The following RNGTT variants were observed in gnomAD, a reference collection of about 807,000 sequenced individuals.
RNGTT encodes RNA guanylyltransferase and 5'-phosphatase.
A neutral mutation model predicts 79.3 loss-of-function variants in RNGTT; 33 were observed. The observed-to-expected ratio is 0.42, with a 90% CI of 0.32 to 0.56. The LOEUF is 0.56. Among genes scored for constraint, RNGTT ranks in the 20% least tolerant of loss-of-function variants. RNGTT has a pLI of 0.17. For missense variants in RNGTT, 497 were observed against 739.1 expected (o/e 0.67, Z 3.80); for synonymous variants, 222 against 235.9 (o/e 0.94, Z 0.54).
At chr6:88,638,126 C>T (rs573036756) in intron 14 of RNGTT, among the ~76,000 whole-genome samples, 1 of 152,042 alleles carries the variant, frequency 6.6e-6, no homozygotes, top group Non-Finnish European at 1.5e-5. Flanking sequence ...ACCTCTCTCA[C>T]AATGGAATCT....
At chr6:88,891,206 G>A (rs1369965121) in intron 7 of RNGTT, among the ~76,000 whole-genome samples, 1 of 152,012 alleles carries the variant, frequency 6.6e-6, no homozygotes, top group Non-Finnish European at 1.5e-5. Flanking sequence ...TTATGTAACA[G>A]TAATAAAAGT....
chr6:88,635,760 G>T (rs533819230), intron 14 of RNGTT, among the ~76,000 whole-genome samples: 5 of 152,128 alleles, frequency 3.3e-5, no homozygotes, highest in African/African-American at 1.2e-4. Flanking sequence ...GTCTCCTGTG[G>T]ATTTAACTTG....
At position 88,637,731 on chromosome 6, in the gene RNGTT, A is replaced by G. The variant is rs571484643; in HGVS notation, c.1507-23336T>C. On this transcript the variant is annotated intron_variant, in intron 14 of 15. Coordinates refer to ENST00000369485, the MANE Select transcript of RNGTT (RefSeq NM_003800.5). ...TGAGAATCCTAATGATCTGAATCCCAAGATGATAAAATAAGGCCCCATCTG... is the reference window on the plus strand; with the variant it reads ...TGAGAATCCTAATGATCTGAATCCCGAGATGATAAAATAAGGCCCCATCTG... Among the ~76,000 whole-genome samples the G allele has an allele frequency of 8.4e-4, 128 of 152,258 alleles. 1 individual carries two copies. The highest frequency in any genetic ancestry group is 5.6e-3 in the Admixed American group (85 of 15,278).
At position 88,696,876 on chromosome 6, in the gene RNGTT, C is replaced by A. The variant is rs1038092419; in HGVS notation, c.1440-18457G>T. 6.6e-4 allele frequency among the ~76,000 whole-genome samples: 101 copies of A among 152,174 alleles called. 1 individual carries two copies. The highest frequency in any genetic ancestry group is 2.4e-3 in the African/African-American group (99 of 41,528). On this transcript the variant is annotated intron_variant, in intron 13 of 15. Coordinates refer to ENST00000369485, the MANE Select transcript of RNGTT (RefSeq NM_003800.5). ...AGAAGTACAAAAGATGCTCTGGAGACTAGAAACAGAGAAATTTAAGCTGAG... is the reference window on the plus strand; with the variant it reads ...AGAAGTACAAAAGATGCTCTGGAGAATAGAAACAGAGAAATTTAAGCTGAG...
intron 12 of RNGTT, among the ~76,000 whole-genome samples, chr6:88,776,664 G>GAA (rs34767667): frequency 5.8e-5 from 8 of 138,876 alleles, no homozygotes; most frequent in Non-Finnish European, 1.2e-4. Context: ...GGCTTCTTTG[G>GAA]AAAAAAAAAA....
At chr6:88,864,045 T>C (rs543374803) in intron 8 of RNGTT, among the ~76,000 whole-genome samples, 1 of 152,156 alleles carries the variant, frequency 6.6e-6, no homozygotes, top group African/African-American at 2.4e-5. Context: ...GGAATTTGTA[T>C]ATGTCTGTTT....
At chr6:88,613,297 T>A (rs1479118330) in intron 15 of RNGTT, among the ~76,000 whole-genome samples, 1 of 152,242 alleles carries the variant, frequency 6.6e-6, no homozygotes, top group African/African-American at 2.4e-5. Flanking sequence ...ACATAAAACA[T>A]GGCACCAGCC....
At chr6:88,935,548 T>C (rs1044631081) in intron 2 of RNGTT, among the ~76,000 whole-genome samples, 1 of 152,162 alleles carries the variant, frequency 6.6e-6, no homozygotes, top group Non-Finnish European at 1.5e-5. Context: ...ACCCCATCTT[T>C]AAAAAAAGTT....
At chr6:88,772,589 T>C (rs370418036) in intron 12 of RNGTT, among the ~76,000 whole-genome samples, 2 of 149,012 alleles carry the variant, frequency 1.3e-5, no homozygotes, top group African/African-American at 5.0e-5. Context: ...AAAGGGCTAA[T>C]ATCCAGAATC....
rs1006219121 is a variant in RNGTT, at chr6:88,956,527, C to T, written c.64+6819G>A. Among the ~76,000 whole-genome samples, 6 of 152,084 alleles carry T rather than the reference C, an allele frequency of 3.9e-5. No individual in the cohort carries two copies. The South Asian group carries it at 8.3e-4, about 21-fold the overall frequency. On this transcript the variant is annotated intron_variant, in intron 1 of 15. Coordinates refer to ENST00000369485, the MANE Select transcript of RNGTT (RefSeq NM_003800.5). ...CAAAAGACAGAGAAAGGGAATCCTC[C>T]CTAAATCATTCTATGAAGCCAGTAT...
At chr6:88,868,473 TA>T (rs991666494) in intron 8 of RNGTT, among the ~76,000 whole-genome samples, 5 of 152,206 alleles carry the variant, frequency 3.3e-5, no homozygotes, top group African/African-American at 9.6e-5. Flanking sequence ...TTATATCAAT[TA>T]TTAATCAGGT....
At chr6:88,938,992 C>G (rs1784759060) in intron 2 of RNGTT, among the ~76,000 whole-genome samples, 1 of 152,156 alleles carries the variant, frequency 6.6e-6, no homozygotes, top group African/African-American at 2.4e-5. Flanking sequence ...CACTATTAGT[C>G]TAATGGGAGC....
intron 2 of RNGTT, among the ~76,000 whole-genome samples, chr6:88,935,408 G>C (rs190393586): frequency 1.6e-4 from 25 of 152,140 alleles, no homozygotes; most frequent in African/African-American, 6.0e-4. Context: ...CTCATTTCAG[G>C]TTCCATAAAA....
At chr6:88,708,075 T>C (rs2127805554) in intron 13 of RNGTT, among the ~76,000 whole-genome samples, 2 of 152,170 alleles carry the variant, frequency 1.3e-5, no homozygotes, top group East Asian at 3.9e-4. Context: ...TCTGTTTTAA[T>C]AGTATGCTTG....
chr6:88,649,075 A>T (rs945118795), intron 14 of RNGTT, among the ~76,000 whole-genome samples: 1 of 152,200 alleles, frequency 6.6e-6, no homozygotes, highest in Non-Finnish European at 1.5e-5. Flanking sequence ...AAGGAAAAAA[A>T]CTTGGCTTTG....
chr6:88,872,976 A>G (rs1782403767), intron 8 of RNGTT, among the ~76,000 whole-genome samples: 1 of 152,156 alleles, frequency 6.6e-6, no homozygotes, highest in Non-Finnish European at 1.5e-5. Context: ...AATTCTCACA[A>G]CTCATACACA....
chr6:88,951,917 T>A (rs1333949040), intron 1 of RNGTT, among the ~76,000 whole-genome samples: 1 of 152,178 alleles, frequency 6.6e-6, no homozygotes, highest in Non-Finnish European at 1.5e-5. Context: ...ATGAATTTTC[T>A]TAAGCAGAAT....
Position 88,941,094 on chromosome 6 carries a change from A to G in RNGTT, c.151T>C (p.Ser51Pro). The G allele has an allele frequency of 6.2e-7, 1 of 1,611,338 alleles. No homozygotes were observed. The highest frequency in any genetic ancestry group is 1.1e-5 in the South Asian group (1 of 90,934). The change falls in exon 2 of 16, where the codon TCA becomes CCA. Residue 51 changes from serine to proline, a missense_variant. Physicochemically the swap from Ser to Pro is moderately conservative, Grantham distance 74 (BLOSUM62 -1). Around this residue, in one of 3 missense-constraint regions of RNGTT, gnomAD observed 440 missense variants for 671.5 expected, o/e 0.66. Coordinates refer to ENST00000369485, the MANE Select transcript of RNGTT (RefSeq NM_003800.5). Reference protein sequence around the residue: ...EENRFHPSMLSNYLKSLKVKM... With the variant: ...EENRFHPSMLPNYLKSLKVKM... ...ACCTTTAGGCTCTTTAGGTAATTTG[A>G]GAGCATGCTGGGATGGAACCGATTT...
intron 8 of RNGTT, among the ~76,000 whole-genome samples, chr6:88,865,675 T>C (rs757354453): frequency 1.3e-5 from 2 of 152,082 alleles, no homozygotes; most frequent in Non-Finnish European, 2.9e-5. Context: ...AAACAGAGAA[T>C]TCATATTTTA....
Sources: gnomAD v4.1 joint callset for allele counts (sites outside exome capture counted in the v4.1 genomes callset) on GRCh38, gnomAD v4.1.1 for gene constraint, gnomAD v4.1.1 regional missense constraint, MANE v1.5 for transcripts, NCBI Gene and HGNC (gene_info 2026-07-23, HGNC 2026-07-21) for gene names.